Variants in TEX11 observed in about 807,000 individuals in gnomAD.
TEX11 encodes testis-expressed protein 11.
Under a neutral mutation model 84.4 loss-of-function variants are expected in TEX11, and 7 were observed. The observed-to-expected ratio is 0.08, with a 90% CI of 0.05 to 0.16. TEX11 has a LOEUF of 0.16. Ranked by LOEUF, TEX11 falls within the 10% of genes least tolerant of loss-of-function variation. TEX11 has a pLI of 1.00. For missense variants in TEX11, 551 were observed against 660.5 expected (o/e 0.83, Z 1.82); for synonymous variants, 264 against 222.8 (o/e 1.18, Z -1.64).
At chrX:70,905,172 A>T (rs895637087) in intron 2 of TEX11, among the ~76,000 whole-genome samples, 1 of 111,737 alleles carries the variant, frequency 8.9e-6, no homozygotes, top group Non-Finnish European at 1.9e-5. Flanking sequence ...AACTACAAAA[A>T]ATTAGCCAGG....
At chrX:70,760,036 A>G (rs1245377697) in intron 9 of TEX11, among the ~76,000 whole-genome samples, 1 of 111,647 alleles carries the variant, frequency 9.0e-6, no homozygotes, top group Non-Finnish European at 1.9e-5. Flanking sequence ...AGAATAAAAT[A>G]CCTAAGAATC....
At chrX:70,894,500 C>A (rs2091756704) in intron 2 of TEX11, among the ~76,000 whole-genome samples, 1 of 110,053 alleles carries the variant, frequency 9.1e-6, no homozygotes, top group East Asian at 2.8e-4. Context: ...GTGGCGCATG[C>A]CTGTAGTCCC....
intron 9 of TEX11, among the ~76,000 whole-genome samples, chrX:70,753,708 CAG>C (rs989578806): frequency 6.4e-5 from 7 of 109,839 alleles, no homozygotes; most frequent in Non-Finnish European, 9.5e-5. Flanking sequence ...TTGAGAAAAA[CAG>C]GGGGAAAAAT....
chrX:70,895,195 T>G (rs908917334), intron 2 of TEX11, among the ~76,000 whole-genome samples: 1 of 111,444 alleles, frequency 9.0e-6, no homozygotes, highest in Non-Finnish European at 1.9e-5. Context: ...AAAATCAATG[T>G]GCAAAAATCA....
At chrX:70,785,947 G>C (rs1006052343) in intron 9 of TEX11, among the ~76,000 whole-genome samples, 1 of 111,901 alleles carries the variant, frequency 8.9e-6, no homozygotes, top group Non-Finnish European at 1.9e-5. Context: ...AATAGCATTT[G>C]ACCCAGCGAT....
intron 17 of TEX11, among the ~76,000 whole-genome samples, chrX:70,631,089 A>C: frequency 8.9e-6 from 1 of 112,181 alleles, no homozygotes; most frequent in Non-Finnish European, 1.9e-5. Context: ...TCTCTCAATA[A>C]CTGATAGAAT....
At chrX:70,609,261 C>A in intron 21 of TEX11, 84 bp from the exon 22 acceptor site, 1 of 844,276 alleles carries the variant, frequency 1.2e-6, no homozygotes, top group Non-Finnish European at 1.6e-6. Flanking sequence ...AGAACAGTCT[C>A]ACAGGAGTTT....
intron 16 of TEX11, among the ~76,000 whole-genome samples, chrX:70,669,155 G>A (rs1369744407): frequency 8.9e-6 from 1 of 111,755 alleles, no homozygotes; most frequent in African/African-American, 3.3e-5. Flanking sequence ...TAACCTCAGA[G>A]CCTAGCATAA....
At chrX:70,879,544 A>G (rs2091672350) in intron 3 of TEX11, among the ~76,000 whole-genome samples, 1 of 110,732 alleles carries the variant, frequency 9.0e-6, no homozygotes, top group Non-Finnish European at 1.9e-5. Context: ...CCCCCAAAAA[A>G]AGCACTTCTG....
chrX:70,696,786 C>A (rs2090284347), intron 13 of TEX11, among the ~76,000 whole-genome samples: 1 of 111,283 alleles, frequency 9.0e-6, no homozygotes, highest in Non-Finnish European at 1.9e-5. Flanking sequence ...AACGAACAAA[C>A]AAACAAACAA....
intron 2 of TEX11, among the ~76,000 whole-genome samples, chrX:70,907,245 T>C (rs1836216585): frequency 9.0e-6 from 1 of 110,730 alleles, no homozygotes; most frequent in South Asian, 3.8e-4. Context: ...ATAAAAATCC[T>C]GAAAAAAAAA....
rs750655691 is a variant in TEX11, at chrX:70,764,971, C to T, written c.693-20752G>A. 1.2e-3 allele frequency among the ~76,000 whole-genome samples: 138 copies of T among 111,429 alleles called. 1 individual carries two copies. Among genetic ancestry groups the T allele is most frequent in the Middle Eastern group, 4.6e-3 (1 of 217 alleles). Reference sequence around the variant, plus strand: ...AGGGAATATATCCAAACTCATTCTACGAGGCCAGTATTACCCTGATACCAA... The same window carrying T: ...AGGGAATATATCCAAACTCATTCTATGAGGCCAGTATTACCCTGATACCAA... On this transcript the variant is annotated intron_variant, in intron 9 of 29. Transcript: ENST00000374333.
intron 9 of TEX11, among the ~76,000 whole-genome samples, chrX:70,781,097 T>A (rs1316058674): frequency 1.8e-5 from 2 of 111,514 alleles, no homozygotes; most frequent in Non-Finnish European, 1.9e-5. Context: ...CCCTCTGGGA[T>A]GAAGCTTCCA....
intron 8 of TEX11, among the ~76,000 whole-genome samples, chrX:70,825,093 C>T (rs1171121458): frequency 9.0e-6 from 1 of 110,844 alleles, no homozygotes; most frequent in Non-Finnish European, 1.9e-5. Flanking sequence ...GCGGGCAGAT[C>T]ACTTGAGGTC....
At chrX:70,756,230 C>T (rs1418668757) in intron 9 of TEX11, among the ~76,000 whole-genome samples, 1 of 112,552 alleles carries the variant, frequency 8.9e-6, no homozygotes, top group African/African-American at 3.2e-5. Flanking sequence ...CAGACCTAAA[C>T]GTCCCTGTCT....
chrX:70,848,042 T>G (rs2091488607), intron 7 of TEX11, among the ~76,000 whole-genome samples: 1 of 111,645 alleles, frequency 9.0e-6, no homozygotes, highest in Non-Finnish European at 1.9e-5. Context: ...TTGGTACTAC[T>G]ATAGTACAGG....
chrX:70,852,472 G>C, intron 7 of TEX11, among the ~76,000 whole-genome samples: 1 of 112,121 alleles, frequency 8.9e-6, no homozygotes. Flanking sequence ...TTACAGGCAC[G>C]AGCCACCATG....
At chrX:70,539,045 T>A (rs1270616822) in intron 28 of TEX11, among the ~76,000 whole-genome samples, 2 of 90,176 alleles carry the variant, frequency 2.2e-5, no homozygotes, top group African/African-American at 8.0e-5. Flanking sequence ...TATATTTTTT[T>A]TTTTTTTAAG....
At chrX:70,747,756 AT>A (rs1602093395) in intron 9 of TEX11, among the ~76,000 whole-genome samples, 1 of 111,117 alleles carries the variant, frequency 9.0e-6, no homozygotes, top group Admixed American at 9.6e-5. Flanking sequence ...AGAAATTATT[AT>A]TTTTTTATAT....
Sources: gnomAD v4.1 joint callset for allele counts (sites outside exome capture counted in the v4.1 genomes callset) on GRCh38, gnomAD v4.1.1 for gene constraint, MANE v1.5 for transcripts, NCBI Gene and HGNC (gene_info 2026-07-23, HGNC 2026-07-21) for gene names.